ZSWIM2: variants seen among roughly 807,000 people sequenced by gnomAD.
The protein encoded by ZSWIM2 is zinc finger SWIM-type containing 2, also known as E3 ubiquitin-protein ligase ZSWIM2.
A neutral mutation model predicts 48.4 loss-of-function variants in ZSWIM2; 38 were observed. That is an observed-to-expected ratio of 0.79 (90% CI 0.61 to 1.03). The LOEUF is 1.03. ZSWIM2 is among the 50% of genes least tolerant of loss of function. The pLI is 0.00. For synonymous variants in ZSWIM2, 240 were observed against 251.3 expected (o/e 0.96, Z 0.42); for missense variants, 776 against 730.2 (o/e 1.06, Z -0.72).
intron 2 of ZSWIM2, 86 bp from the exon 3 acceptor site, chr2:186,844,843 T>C (rs112521506): frequency 8.6e-7 from 1 of 1,162,964 alleles, no homozygotes; most frequent in South Asian, 1.7e-5. Context: ...GAATAGAAAT[T>C]GAATTATAAG....
At position 186,828,293 on chromosome 2, in the gene ZSWIM2, T is replaced by C; in HGVS notation, c.1593A>G (p.Pro531=). Reference sequence around the variant, plus strand: ...TAGTGTGAAATTTTCCACTGATGCATGGACTTTCCATTGCAGTGGGACACA... The same window carrying C: ...TAGTGTGAAATTTTCCACTGATGCACGGACTTTCCATTGCAGTGGGACACA... ...NIVCPTAMES[P]CISGKFHTSL... is the part of the protein sequence containing the mutation. Residue 531 remains proline (P), a synonymous_variant, in exon 9 of 9, where the codon CCA becomes CCG. Transcript: ENST00000295131. The C allele has an allele frequency of 6.2e-7, 1 of 1,613,732 alleles. No individual in the cohort carries two copies. The highest frequency in any genetic ancestry group is 8.5e-7 in the Non-Finnish European group (1 of 1,179,824).
chr2:186,828,869 A>G (rs1163539584), intron 8 of ZSWIM2, 79 bp from the exon 9 acceptor site: 2 of 854,482 alleles, frequency 2.3e-6, no homozygotes, highest in African/African-American at 3.5e-5. Flanking sequence ...CCCCAGTTTC[A>G]TAATTTTATG....
At chr2:186,834,690 C>T (rs1025948492) in intron 5 of ZSWIM2, among the ~76,000 whole-genome samples, 2 of 152,070 alleles carry the variant, frequency 1.3e-5, no homozygotes, top group Non-Finnish European at 2.9e-5. Context: ...TAGAGACTGC[C>T]TACATTTATT....
At position 186,837,573 on chromosome 2, in the gene ZSWIM2, A is replaced by G. The variant is rs1256878660; in HGVS notation, c.495-19T>C. 6.3e-7 allele frequency: 1 copy of G among 1,595,982 alleles called. No individual in the cohort carries two copies. The highest frequency in any genetic ancestry group is 8.5e-7 in the Non-Finnish European group (1 of 1,170,820). ...GCCAAACCTATGAGAGATAAAATTG[A>G]AGTTTACCATTTGTATAGAGCAGTT... On this transcript the variant is annotated intron_variant, in intron 4 of 8. Coordinates refer to ENST00000295131, the MANE Select transcript of ZSWIM2 (RefSeq NM_182521.3).
intron 7 of ZSWIM2, 100 bp from the exon 8 acceptor site, chr2:186,829,980 C>T (rs960915341): frequency 4.1e-6 from 5 of 1,207,668 alleles, no homozygotes; most frequent in Admixed American, 2.4e-5. Context: ...ATAATGCAAT[C>T]GAACCCTAGG....
intron 3 of ZSWIM2, among the ~76,000 whole-genome samples, chr2:186,840,427 G>T (rs1416410970): frequency 6.6e-6 from 1 of 151,266 alleles, no homozygotes; most frequent in African/African-American, 2.4e-5. Flanking sequence ...ATAAGACTAT[G>T]CAGGAATATT....
chr2:186,833,292 G>A (rs10189037), intron 6 of ZSWIM2, 60 bp from the exon 7 acceptor site: 1 of 798,302 alleles, frequency 1.3e-6, no homozygotes. Context: ...ATTTTGTGGA[G>A]AAAAATTAGT....
chr2:186,837,883 G>A (rs10187599), intron 4 of ZSWIM2, among the ~76,000 whole-genome samples: 22,023 of 150,868 alleles, frequency 0.15, 2,518 homozygotes, highest in African/African-American at 0.33. Context: ...ACACAAAGGA[G>A]AATAATAATT....
chr2:186,839,564 T>C (rs1691865730), intron 3 of ZSWIM2, among the ~76,000 whole-genome samples: 1 of 151,698 alleles, frequency 6.6e-6, no homozygotes, highest in Non-Finnish European at 1.5e-5. Flanking sequence ...AGGAAACTGA[T>C]ATCCGAGTAG....
chr2:186,828,308 A>G lies in ZSWIM2; in HGVS notation c.1578T>C (p.Thr526=). ...CACTGATGCATGGACTTTCCATTGC[A>G]GTGGGACACACAATATTCTTATGAA... ...PIVHKNIVCP[T]AMESPCISGK... is the part of the protein sequence containing the mutation. The change falls in exon 9 of 9, where the codon ACT becomes ACC. Residue 526 remains threonine (T), a synonymous_variant. Coordinates refer to ENST00000295131, the MANE Select transcript of ZSWIM2 (RefSeq NM_182521.3). 6.2e-7 allele frequency: 1 copy of G among 1,613,728 alleles called. No individual in the cohort carries two copies. The highest frequency in any genetic ancestry group is 8.5e-7 in the Non-Finnish European group (1 of 1,179,818).
Position 186,827,618 on chromosome 2 carries a change from G to A in ZSWIM2, c.*366C>T, listed in dbSNP as rs556574414. Among the ~76,000 whole-genome samples the A allele has an allele frequency of 4.9e-4, 74 of 151,898 alleles. No individual in the cohort carries two copies. Among genetic ancestry groups the A allele is most frequent in the African/African-American group, 1.7e-3 (69 of 41,514 alleles). On this transcript the variant is annotated 3_prime_UTR_variant, in exon 9 of 9. Coordinates refer to ENST00000295131, the MANE Select transcript of ZSWIM2 (RefSeq NM_182521.3). ...AAATGCAAAAAATACAGAAGTACCG[G>A]GGAGTAATCCCTGCATGTTATGTGC...
At chr2:186,842,324 TA>T (rs1178595239) in intron 3 of ZSWIM2, among the ~76,000 whole-genome samples, 1 of 151,350 alleles carries the variant, frequency 6.6e-6, no homozygotes, top group East Asian at 1.9e-4. Context: ...CTTTGAATAT[TA>T]TTAGTCTCTA....
chr2:186,833,039 A>T (rs1479321218), intron 7 of ZSWIM2, 81 bp downstream of exon 7: 3 of 599,988 alleles, frequency 5.0e-6, no homozygotes, highest in Non-Finnish European at 8.1e-6. Flanking sequence ...TAAATAAAAG[A>T]ATAAATAAAA....
chr2:186,847,931 T>C (rs1026665058), intron 1 of ZSWIM2, 136 bp from the exon 2 acceptor site: 4 of 519,814 alleles, frequency 7.7e-6, no homozygotes, highest in South Asian at 3.3e-5. Flanking sequence ...TACTGGAGAA[T>C]CTTAATTCTT....
In ZSWIM2 at chr2:186,849,055, C is replaced by T; in HGVS notation, c.76G>A (p.Ala26Thr). The change falls in exon 1 of 9, where the codon GCG becomes ACG. Residue 26 changes from alanine (A) to threonine (T), a missense_variant. By Grantham distance (58) the Ala-to-Thr change is moderately conservative. Coordinates refer to ENST00000295131, the MANE Select transcript of ZSWIM2 (RefSeq NM_182521.3). ...AGGAGGTAGATGCTGCTACTCAGCG[C>T]CTGGTCTTGGTGCCAGCTGAGCCTC... Reference protein sequence around the residue: ...SERLSWHQDQALSSSIYLLRE... With the variant: ...SERLSWHQDQTLSSSIYLLRE... 6.2e-7 allele frequency: 1 copy of T among 1,614,154 alleles called. No individual in the cohort carries two copies. Among genetic ancestry groups the T allele is most frequent in the South Asian group, 1.1e-5 (1 of 91,084 alleles).
intron 5 of ZSWIM2, among the ~76,000 whole-genome samples, chr2:186,835,840 A>T (rs1229238945): frequency 6.6e-6 from 1 of 152,184 alleles, no homozygotes; most frequent in African/African-American, 2.4e-5. Flanking sequence ...AAGAGAATGG[A>T]GACAGAGATG....
At position 186,828,574 on chromosome 2, in the gene ZSWIM2, G is replaced by T. The variant is rs1413131591; in HGVS notation, c.1312C>A (p.Leu438Ile). The stretch of plus-strand genomic sequence containing the variant: ...TGAGGTATGCTAGGTAAAATTCCAA[G>T]TCTATTTTGTTTTAAGACTAATCCA... ...GTGLVLKQNR[L>I]GILPSIPQCN... The change falls in exon 9 of 9, where the codon CTT becomes ATT. Residue 438 changes from leucine (L) to isoleucine (I), a missense_variant. By Grantham distance (5) the Leu-to-Ile change is conservative. Transcript: ENST00000295131. 4 of 1,612,820 alleles carry T rather than the reference G, an allele frequency of 2.5e-6. No homozygotes were observed. The East Asian group carries it at 8.9e-5, about 36-fold the overall frequency.
chr2:186,829,180 C>A (rs1407314286), intron 8 of ZSWIM2, among the ~76,000 whole-genome samples: 1 of 151,972 alleles, frequency 6.6e-6, no homozygotes, highest in Non-Finnish European at 1.5e-5. Context: ...GAAAATAAAA[C>A]AATTAGCCAT....
Position 186,829,717 on chromosome 2 carries a change from T to G in ZSWIM2, c.1095+10A>C, listed in dbSNP as rs1228031750. On this transcript the variant is annotated intron_variant, in intron 8 of 8. Transcript: ENST00000295131. ...CAGGGAAAGTAAAACTAAAATGATG[T>G]GACTTTTACCTTGTGAGTACATGGT... 6.2e-7 allele frequency: 1 copy of G among 1,601,016 alleles called. No individual in the cohort carries two copies. The highest frequency in any genetic ancestry group is 8.5e-7 in the Non-Finnish European group (1 of 1,176,096).
Sources: gnomAD v4.1 joint callset for allele counts (sites outside exome capture counted in the v4.1 genomes callset) on GRCh38, gnomAD v4.1.1 for gene constraint, MANE v1.5 for transcripts, NCBI Gene and HGNC (gene_info 2026-07-23, HGNC 2026-07-21) for gene names.